The following RIT2 variants were observed in gnomAD, a reference collection of about 807,000 sequenced individuals.
The protein encoded by RIT2 is Ras like without CAAX 2, also known as GTP-binding protein Rit2.
RIT2 carries 24 observed loss-of-function variants against 23.7 expected under a neutral mutation model. The observed-to-expected ratio is 1.01, with a 90% confidence interval of 0.73 to 1.43. RIT2 has a LOEUF of 1.43. Ranked by LOEUF, RIT2 falls within the 40% of genes most tolerant of loss-of-function variation. RIT2 has a pLI of 0.00. For synonymous variants in RIT2, 107 were observed against 91.1 expected (o/e 1.17, Z -0.99); for missense variants, 236 against 266.9 (o/e 0.88, Z 0.81).
chr18:42,885,824 T>C (rs1464153569), intron 4 of RIT2, among the ~76,000 whole-genome samples: 1 of 152,198 alleles, frequency 6.6e-6, no homozygotes, highest in African/African-American at 2.4e-5. Flanking sequence ...GTGATTCTGA[T>C]TTAAAAATTA....
At chr18:42,762,218 A>T (rs1913318976) in intron 4 of RIT2, among the ~76,000 whole-genome samples, 1 of 152,060 alleles carries the variant, frequency 6.6e-6, no homozygotes, top group Non-Finnish European at 1.5e-5. Context: ...CTGTACAATA[A>T]CTCTTCTAAT....
At chr18:42,789,544 C>T (rs1913995468) in intron 4 of RIT2, among the ~76,000 whole-genome samples, 1 of 152,130 alleles carries the variant, frequency 6.6e-6, no homozygotes, top group South Asian at 2.1e-4. Context: ...AGAGATCTTT[C>T]ACCTCTTGGT....
intron 4 of RIT2, among the ~76,000 whole-genome samples, chr18:42,770,399 G>C (rs1913523675): frequency 6.6e-6 from 1 of 152,174 alleles, no homozygotes; most frequent in South Asian, 2.1e-4. Context: ...TCTGCAGTGA[G>C]AGAAAGTTGA....
At chr18:43,011,716 C>G (rs888100138) in intron 2 of RIT2, among the ~76,000 whole-genome samples, 1 of 151,720 alleles carries the variant, frequency 6.6e-6, no homozygotes, top group Non-Finnish European at 1.5e-5. Context: ...ATAAACATCC[C>G]TCTACAGTTA....
chr18:43,001,205 G>C (rs1272627287), intron 2 of RIT2, among the ~76,000 whole-genome samples: 1 of 151,968 alleles, frequency 6.6e-6, no homozygotes, highest in Non-Finnish European at 1.5e-5. Context: ...TGCTACAGAA[G>C]AGAAATGGAG....
At chr18:43,016,561 C>T (rs1911480060) in intron 2 of RIT2, among the ~76,000 whole-genome samples, 3 of 151,594 alleles carry the variant, frequency 2.0e-5, no homozygotes, top group Admixed American at 2.0e-4. Flanking sequence ...GACGTTTTAT[C>T]CCCCCACCCT....
intron 3 of RIT2, among the ~76,000 whole-genome samples, chr18:42,943,832 G>T (rs997325111): frequency 1.3e-5 from 2 of 152,080 alleles, no homozygotes; most frequent in Admixed American, 6.6e-5. Context: ...CTAAATTATG[G>T]AGTTATCCTT....
chr18:42,904,287 T>C (rs1908554489), intron 4 of RIT2, among the ~76,000 whole-genome samples: 1 of 152,170 alleles, frequency 6.6e-6, no homozygotes, highest in Non-Finnish European at 1.5e-5. Flanking sequence ...AATATTCCTG[T>C]GGCATCAAGC....
At chr18:42,870,467 G>T (rs1907593023) in intron 4 of RIT2, among the ~76,000 whole-genome samples, 1 of 152,070 alleles carries the variant, frequency 6.6e-6, no homozygotes, top group Non-Finnish European at 1.5e-5. Context: ...GCCCGCCTCA[G>T]CCTCTCAAAG....
intron 4 of RIT2, among the ~76,000 whole-genome samples, chr18:42,899,708 G>C (rs1227883864): frequency 1.3e-5 from 2 of 152,032 alleles, no homozygotes; most frequent in South Asian, 2.1e-4. Flanking sequence ...AGATATAAAT[G>C]TGTAGCCTGT....
chr18:43,077,102 CAAAAAAA>C (rs34419558), intron 1 of RIT2, among the ~76,000 whole-genome samples: 7 of 80,254 alleles, frequency 8.7e-5, no homozygotes, highest in Admixed American at 2.8e-4. Context: ...GACTCCGTCT[CAAAAAAA>C]AAAAAAAAAA....
At chr18:43,018,886 T>C (rs1004361685) in intron 2 of RIT2, among the ~76,000 whole-genome samples, 3 of 151,370 alleles carry the variant, frequency 2.0e-5, no homozygotes, top group African/African-American at 7.3e-5. Flanking sequence ...AGTAAATACA[T>C]AAATAAGGAA....
At chr18:43,011,698 C>T (rs1041167012) in intron 2 of RIT2, among the ~76,000 whole-genome samples, 5 of 151,658 alleles carry the variant, frequency 3.3e-5, no homozygotes, top group African/African-American at 1.2e-4. Flanking sequence ...TGTTCACTTC[C>T]CTCTGTCATA....
At chr18:42,801,995 A>G (rs1425850037) in intron 4 of RIT2, among the ~76,000 whole-genome samples, 2 of 152,188 alleles carry the variant, frequency 1.3e-5, no homozygotes, top group Non-Finnish European at 2.9e-5. Context: ...CCACACTAAC[A>G]GCCCTATTTA....
intron 4 of RIT2, among the ~76,000 whole-genome samples, chr18:42,873,327 T>TA (rs1322149570): frequency 6.6e-6 from 1 of 152,190 alleles, no homozygotes; most frequent in Non-Finnish European, 1.5e-5. Context: ...GAAAAACATT[T>TA]AAAGTCTATA....
Position 43,012,047 on chromosome 18 carries a change from C to T in RIT2, c.160+21764G>A, listed in dbSNP as rs142342369. Among the ~76,000 whole-genome samples, 43 of 151,764 alleles carry T rather than the reference C, an allele frequency of 2.8e-4. 1 individual carries two copies. In the East Asian group the frequency reaches 6.3e-3, roughly 22 times the overall value. The stretch of plus-strand genomic sequence containing the variant: ...CTATTTTTCCCATGTTCACGTCCAA[C>T]GAATTCTGTAACCCTAGGACAGCAT... On this transcript the variant is annotated intron_variant, in intron 2 of 4. Transcript: ENST00000326695.
intron 1 of RIT2, among the ~76,000 whole-genome samples, chr18:43,107,717 T>C (rs961307524): frequency 6.6e-6 from 1 of 152,130 alleles, no homozygotes; most frequent in Admixed American, 6.5e-5. Context: ...CAAACCAGTC[T>C]TTGGCACCTC....
chr18:42,837,889 G>A (rs1191083929), intron 4 of RIT2, among the ~76,000 whole-genome samples: 1 of 152,060 alleles, frequency 6.6e-6, no homozygotes, highest in Non-Finnish European at 1.5e-5. Flanking sequence ...AATGAAATTA[G>A]GTAAATATAG....
At chr18:43,026,942 G>A (rs1407243963) in intron 2 of RIT2, among the ~76,000 whole-genome samples, 3 of 152,230 alleles carry the variant, frequency 2.0e-5, no homozygotes, top group African/African-American at 7.2e-5. Context: ...ACCAAATGCT[G>A]AGTCTTAGGT....
Sources: allele counts gnomAD v4.1 joint callset (sites outside exome capture counted in the v4.1 genomes callset), GRCh38; gene constraint gnomAD v4.1.1; transcripts MANE v1.5; gene names NCBI Gene and HGNC (gene_info 2026-07-23, HGNC 2026-07-21).